ITSN1: variants seen among roughly 807,000 people sequenced by gnomAD.
ITSN1 encodes the protein intersectin 1.
A neutral mutation model predicts 239.8 loss-of-function variants in ITSN1; 58 were observed. The ratio of observed to expected loss-of-function variants is 0.24; its 90% CI spans 0.20 to 0.30. The LOEUF (loss-of-function observed/expected upper bound fraction) is 0.30, where lower values mean the gene tolerates loss of function less well. ITSN1 is among the 10% of genes least tolerant of loss of function. ITSN1 has a pLI of 1.00. For synonymous variants in ITSN1, 780 were observed against 770.8 expected (o/e 1.01, Z -0.20); for missense variants, 1,558 against 2,103.3 (o/e 0.74, Z 5.07).
At chr21:33,716,991 AC>A (rs1342528935) in intron 1 of ITSN1, among the ~76,000 whole-genome samples, 5 of 151,948 alleles carry the variant, frequency 3.3e-5, no homozygotes, top group Non-Finnish European at 5.9e-5. Context: ...CAAAAAAGGA[AC>A]CCAGAGGAAT....
intron 1 of ITSN1, among the ~76,000 whole-genome samples, chr21:33,705,208 C>T (rs1454653399): frequency 3.3e-5 from 5 of 151,144 alleles, no homozygotes; most frequent in Non-Finnish European, 7.4e-5. Context: ...AGCTTTGTAC[C>T]GTACCTGGAA....
intron 1 of ITSN1, among the ~76,000 whole-genome samples, chr21:33,710,071 A>ATTTT (rs869125255): frequency 1.4e-5 from 2 of 139,438 alleles, no homozygotes; most frequent in African/African-American, 5.3e-5. Context: ...GCTGAGAGGC[A>ATTTT]TTTTTTTTTG....
intron 12 of ITSN1, among the ~76,000 whole-genome samples, chr21:33,772,814 A>G (rs116386521): frequency 6.6e-6 from 1 of 152,160 alleles, no homozygotes; most frequent in Non-Finnish European, 1.5e-5. Flanking sequence ...ACATTAATGT[A>G]CAAGTTTTTG....
intron 1 of ITSN1, among the ~76,000 whole-genome samples, chr21:33,717,789 G>T (rs527339539): frequency 2.0e-5 from 3 of 151,924 alleles, no homozygotes; most frequent in African/African-American, 7.3e-5. Context: ...GGATGGTCTC[G>T]ATCTCCTGAC....
chr21:33,851,835 G>A (rs368503899), intron 29 of ITSN1, among the ~76,000 whole-genome samples: 1 of 125,292 alleles, frequency 8.0e-6, no homozygotes, highest in African/African-American at 3.1e-5. Flanking sequence ...CCAGGCTGGA[G>A]TGCAGTGGTG....
intron 29 of ITSN1, chr21:33,838,351 C>G: frequency 4.1e-6 from 4 of 985,292 alleles, no homozygotes; most frequent in Non-Finnish European, 4.8e-6. Context: ...GAGCGAGGAC[C>G]TCTCCTCCTC....
chr21:33,697,242 T>TTC lies in ITSN1; in HGVS notation c.-32-21554_-32-21553insCT, dbSNP rs1291464290. On this transcript the variant is annotated intron_variant, in intron 1 of 39. Coordinates refer to ENST00000381318, the MANE Select transcript of ITSN1 (RefSeq NM_003024.3). ...ACGACCACACCTGGCTAATTTTTTT[T>TTC]TTTTTTTTTTTGTATTTTTAGTAGA... Among the ~76,000 whole-genome samples the TTC allele has an allele frequency of 3.9e-4, 58 of 148,862 alleles. No homozygotes were observed. The East Asian group carries it at 0.011, about 29-fold the overall frequency.
intron 29 of ITSN1, among the ~76,000 whole-genome samples, chr21:33,842,506 G>GTGTGTGTGT (rs2074859091): frequency 1.5e-5 from 2 of 133,958 alleles, no homozygotes; most frequent in African/African-American, 5.2e-5. Context: ...GTGTGTGTGT[G>GTGTGTGTGT]TGTGTGTGTG....
intron 18 of ITSN1, 25 bp from the exon 19 acceptor site, chr21:33,799,783 C>T: frequency 6.2e-7 from 1 of 1,607,812 alleles, no homozygotes; most frequent in Non-Finnish European, 8.5e-7. Flanking sequence ...TTATTTTTGT[C>T]CCCCCCACCT....
chr21:33,860,328 A>AG (rs1367030988), intron 31 of ITSN1, among the ~76,000 whole-genome samples: 47 of 152,064 alleles, frequency 3.1e-4, no homozygotes, highest in African/African-American at 1.0e-3. Flanking sequence ...AAAAAAAAAA[A>AG]AAAAGAAAAG....
intron 8 of ITSN1, among the ~76,000 whole-genome samples, chr21:33,760,386 T>C (rs895830543): frequency 2.0e-5 from 3 of 152,192 alleles, no homozygotes; most frequent in African/African-American, 7.2e-5. Flanking sequence ...ATTTTCACTT[T>C]GGAAAATTAA....
intron 8 of ITSN1, among the ~76,000 whole-genome samples, chr21:33,760,839 A>AG (rs2068265962): frequency 6.6e-6 from 1 of 152,208 alleles, no homozygotes; most frequent in Non-Finnish European, 1.5e-5. Context: ...TCCTGGGACC[A>AG]CATCTTGAGA....
intron 1 of ITSN1, among the ~76,000 whole-genome samples, chr21:33,711,651 GTTGTGTGTGTGTGTGT>G (rs1475984976): frequency 2.8e-5 from 3 of 107,612 alleles, no homozygotes; most frequent in Admixed American, 1.9e-4. Context: ...TTTTCTGTGT[GTTGTGTGTGTGTGTGT>G]GTGTGTGTGT....
chr21:33,855,694 G>T (rs1446967455), intron 29 of ITSN1, among the ~76,000 whole-genome samples: 1 of 152,254 alleles, frequency 6.6e-6, no homozygotes, highest in African/African-American at 2.4e-5. Context: ...CACTTCCAGT[G>T]CAGGCACCAT....
rs1569097820 is a variant in ITSN1, at chr21:33,751,815, A to G, written c.532A>G (p.Thr178Ala). The change falls in exon 7 of 40, where the codon ACA becomes GCA. Residue 178 changes from threonine to alanine, a missense_variant. Thr to Ala is a moderately conservative substitution (Grantham distance 58). This residue lies in a region of ITSN1 where 982 missense variants were observed against 1,209.9 expected (regional missense o/e 0.81). Coordinates refer to ENST00000381318, the MANE Select transcript of ITSN1 (RefSeq NM_003024.3). ...TTCAACATTTATTTTTACAGCAGCC[A>G]CATTGCCAAAGAGTTCTTCCTTTAG... is the stretch of plus-strand genomic sequence containing the variant. ...PLPAFAHPAA[T>A]LPKSSSFSRS... 2 of 1,604,180 alleles carry G rather than the reference A, an allele frequency of 1.2e-6. No individual in the cohort carries two copies. Among genetic ancestry groups the G allele is most frequent in the Non-Finnish European group, 1.7e-6 (2 of 1,172,052 alleles).
intron 1 of ITSN1, among the ~76,000 whole-genome samples, chr21:33,672,837 G>A (rs766674735): frequency 9.9e-5 from 15 of 151,846 alleles, no homozygotes; most frequent in South Asian, 2.1e-4. Flanking sequence ...TCAGGCACCC[G>A]AGTAGCTGGG....
At position 33,688,695 on chromosome 21, in the gene ITSN1, G is replaced by T. The variant is rs557514322; in HGVS notation, c.-32-30102G>T. On this transcript the variant is annotated intron_variant, in intron 1 of 39. Transcript: ENST00000381318. Reference sequence around the variant, plus strand: ...TGAGACCATTCTGGGGTCCAAATAGGACCCATGGCCCAAGTTTAGAATGGC... The same window carrying T: ...TGAGACCATTCTGGGGTCCAAATAGTACCCATGGCCCAAGTTTAGAATGGC... 2.0e-5 allele frequency among the ~76,000 whole-genome samples: 3 copies of T among 152,246 alleles called. No homozygotes were observed. The South Asian group carries it at 6.2e-4, about 32-fold the overall frequency.
At chr21:33,780,786 TTCGGCTAAATTTAAGCAGATACTGTTC>T (rs1239804235) in intron 14 of ITSN1, among the ~76,000 whole-genome samples, 1 of 152,248 alleles carries the variant, frequency 6.6e-6, no homozygotes, top group Non-Finnish European at 1.5e-5. Context: ...ACAGGATATT[TTCGGCTAAATTTAAGCAGATACTGTTC>T]TTGGCAAGTT....
intron 1 of ITSN1, among the ~76,000 whole-genome samples, chr21:33,692,601 GTTTC>G (rs2091598076): frequency 6.6e-6 from 1 of 151,956 alleles, no homozygotes; most frequent in African/African-American, 2.4e-5. Flanking sequence ...TGCATTTCTA[GTTTC>G]TTTATACAAC....
Sources: gnomAD v4.1 joint callset for allele counts (sites outside exome capture counted in the v4.1 genomes callset) on GRCh38, gnomAD v4.1.1 for gene constraint, gnomAD v4.1.1 regional missense constraint, MANE v1.5 for transcripts, NCBI Gene and HGNC (gene_info 2026-07-23, HGNC 2026-07-21) for gene names.